The following PRRX2 variants were observed in gnomAD, a reference collection of about 807,000 sequenced individuals.
PRRX2 encodes paired related homeobox 2, also known as paired mesoderm homeobox protein 2.
PRRX2 carries 11 observed loss-of-function variants against 18.0 expected under a neutral mutation model. The observed-to-expected ratio is 0.61, with a 90% confidence interval of 0.39 to 1.01. The LOEUF (loss-of-function observed/expected upper bound fraction) is 1.01. PRRX2 is among the 50% of genes least tolerant of loss of function. PRRX2 has a pLI of 0.01. For synonymous variants in PRRX2, 177 were observed against 154.8 expected (o/e 1.14, Z -1.06); for missense variants, 387 against 351.0 (o/e 1.10, Z -0.82).
chr9:129,698,886 G>C (rs755063922), intron 1 of PRRX2, among the ~76,000 whole-genome samples: 5 of 152,220 alleles, frequency 3.3e-5, no homozygotes, highest in Non-Finnish European at 5.9e-5. Flanking sequence ...GGTGTCTGGA[G>C]GCTCAGGAAA....
chr9:129,681,819 C>T (rs527655628), intron 1 of PRRX2, among the ~76,000 whole-genome samples: 1 of 152,290 alleles, frequency 6.6e-6, no homozygotes, highest in African/African-American at 2.4e-5. Flanking sequence ...AAGGCCAATG[C>T]ATCTCCTTCG....
intron 1 of PRRX2, among the ~76,000 whole-genome samples, chr9:129,712,032 T>C (rs1201925811): frequency 6.6e-6 from 1 of 152,136 alleles, no homozygotes; most frequent in Non-Finnish European, 1.5e-5. Context: ...CCACGGCCTC[T>C]CCACCCTACC....
At chr9:129,712,718 A>C (rs1832642185) in intron 1 of PRRX2, among the ~76,000 whole-genome samples, 1 of 152,076 alleles carries the variant, frequency 6.6e-6, no homozygotes, top group Non-Finnish European at 1.5e-5. Flanking sequence ...AAAAGCAGCT[A>C]AACAGCCTGG....
chr9:129,716,707 G>T (rs1328168448), intron 1 of PRRX2, among the ~76,000 whole-genome samples: 2 of 151,832 alleles, frequency 1.3e-5, no homozygotes, highest in African/African-American at 4.8e-5. Context: ...CACCTGCCTC[G>T]GCCTCCCAAA....
At chr9:129,701,482 A>G (rs915388063) in intron 1 of PRRX2, among the ~76,000 whole-genome samples, 2 of 152,204 alleles carry the variant, frequency 1.3e-5, no homozygotes, top group African/African-American at 4.8e-5. Flanking sequence ...GAATGCAGCT[A>G]TTTCCAGGAA....
rs1017479788 is a variant in PRRX2 at position 129,666,092 on chromosome 9, G to A, written c.225G>A (p.Gly75=). The change falls in exon 1 of 4, where the codon GGG becomes GGA. Residue 75 remains glycine, a synonymous_variant. Transcript: ENST00000372469. ...AREGAAREPS[G]GSSGSEAAPQ... ...AGGGCGCAGCACGGGAGCCGTCCGG[G>A]GGCAGCAGCGGCAGCGAGGCGGCGC... 4 of 1,032,234 alleles carry A rather than the reference G, an allele frequency of 3.9e-6. No individual in the cohort carries two copies. The highest frequency in any genetic ancestry group is 5.7e-5 in the Admixed American group (1 of 17,566). The allele number at this position is 1,032,234 out of a possible 1,614,324, so 63.9% of individuals were successfully genotyped here.
At chr9:129,698,640 T>C (rs984126464) in intron 1 of PRRX2, among the ~76,000 whole-genome samples, 2 of 152,212 alleles carry the variant, frequency 1.3e-5, no homozygotes, top group Non-Finnish European at 2.9e-5. Flanking sequence ...CAACCCAGAC[T>C]GGGCAGCCAA....
At chr9:129,684,684 C>T (rs1332433980) in intron 1 of PRRX2, among the ~76,000 whole-genome samples, 3 of 152,138 alleles carry the variant, frequency 2.0e-5, no homozygotes, top group South Asian at 2.1e-4. Flanking sequence ...TCAGTGGCAC[C>T]TCTGGGACGG....
At position 129,720,589 on chromosome 9, in the gene PRRX2, C is replaced by G. The variant is rs531849124; in HGVS notation, c.448-7C>G. ...ATGCTGCACCCTGCTCACCCTCCCA[C>G]CCACAGGTCTGGTTTCAGAACCGCC... On this transcript the variant is annotated splice_polypyrimidine_tract_variant and splice_region_variant and intron_variant, in intron 2 of 3. Transcript: ENST00000372469. The G allele has an allele frequency of 6.3e-7, 1 of 1,599,666 alleles. No homozygotes were observed. The highest frequency in any genetic ancestry group is 8.5e-7 in the Non-Finnish European group (1 of 1,172,164).
intron 1 of PRRX2, among the ~76,000 whole-genome samples, chr9:129,704,573 G>A (rs1038746389): frequency 2.0e-4 from 31 of 152,176 alleles, no homozygotes; most frequent in African/African-American, 7.0e-4. Flanking sequence ...GGAAGGAAGC[G>A]CATGTGTGTC....
chr9:129,690,952 T>G (rs1832353328), intron 1 of PRRX2, among the ~76,000 whole-genome samples: 1 of 152,130 alleles, frequency 6.6e-6, no homozygotes, highest in Non-Finnish European at 1.5e-5. Context: ...GGTGTGCTTG[T>G]GCCCGCTTGT....
chr9:129,669,822 A>T (rs1832077789), intron 1 of PRRX2, among the ~76,000 whole-genome samples: 1 of 151,866 alleles, frequency 6.6e-6, no homozygotes, highest in Admixed American at 6.6e-5. Flanking sequence ...ACCTTCAATT[A>T]TTTTTTATTG....
At chr9:129,689,299 C>T (rs1422358437) in intron 1 of PRRX2, among the ~76,000 whole-genome samples, 2 of 152,194 alleles carry the variant, frequency 1.3e-5, no homozygotes, top group Non-Finnish European at 2.9e-5. Context: ...AGGGCTTCCT[C>T]GTTTGGAAAA....
At chr9:129,693,958 C>G (rs556171098) in intron 1 of PRRX2, among the ~76,000 whole-genome samples, 9 of 152,244 alleles carry the variant, frequency 5.9e-5, no homozygotes, top group African/African-American at 1.9e-4. Context: ...TAGAAAGGGC[C>G]CCCAGCAGGG....
chr9:129,682,590 A>G (rs1285493279), intron 1 of PRRX2, among the ~76,000 whole-genome samples: 1 of 152,184 alleles, frequency 6.6e-6, no homozygotes, highest in African/African-American at 2.4e-5. Flanking sequence ...TGACTGGTCC[A>G]GGGTGAAGCT....
rs1832102996 is a variant in PRRX2 at position 129,671,727 on chromosome 9, G to A, written c.259+5601G>A. Among the ~76,000 whole-genome samples the A allele has an allele frequency of 6.6e-6, 1 of 152,204 alleles. No individual in the cohort carries two copies. The highest frequency in any genetic ancestry group is 2.4e-5 in the African/African-American group (1 of 41,456). ...GCAGCTCCTGGAGATGCTCTCTGAGGGCCTGTGAGTCAGGCGAGGCTGTCA... is the reference window on the plus strand; with the variant it reads ...GCAGCTCCTGGAGATGCTCTCTGAGAGCCTGTGAGTCAGGCGAGGCTGTCA... On this transcript the variant is annotated intron_variant, in intron 1 of 3. Coordinates refer to ENST00000372469, the MANE Select transcript of PRRX2 (RefSeq NM_016307.4). This position sits in a 1 kb window ranked among gnomAD's most constrained non-coding sequence, Gnocchi z 4.0.
At chr9:129,693,649 A>G (rs75037891) in intron 1 of PRRX2, among the ~76,000 whole-genome samples, 11,880 of 151,840 alleles carry the variant, frequency 0.078, 581 homozygotes, top group African/African-American at 0.13. Flanking sequence ...TCGCCTTGCC[A>G]TCATTACTGG....
At chr9:129,694,478 TC>T (rs1275295570) in intron 1 of PRRX2, among the ~76,000 whole-genome samples, 1 of 152,156 alleles carries the variant, frequency 6.6e-6, no homozygotes, top group Non-Finnish European at 1.5e-5. Context: ...AGCCACCGTG[TC>T]CAGCCCTTCA....
At chr9:129,688,232 T>G (rs1455484837) in intron 1 of PRRX2, among the ~76,000 whole-genome samples, 1 of 151,864 alleles carries the variant, frequency 6.6e-6, no homozygotes, top group Non-Finnish European at 1.5e-5. Flanking sequence ...CTGGCTAATT[T>G]TTGTCTTTTT....
Sources: gnomAD v4.1 joint callset for allele counts (sites outside exome capture counted in the v4.1 genomes callset) on GRCh38, gnomAD v4.1.1 for gene constraint, Gnocchi (gnomAD v3.1) non-coding constraint, MANE v1.5 for transcripts, NCBI Gene and HGNC (gene_info 2026-07-23, HGNC 2026-07-21) for gene names.